The following CADPS variants were observed in gnomAD, a reference collection of about 807,000 sequenced individuals.
The protein encoded by CADPS is calcium dependent secretion activator.
In CADPS, 57 loss-of-function variants were observed where a neutral mutation model predicts 167.3. The observed-to-expected ratio is 0.34, with a 90% CI of 0.28 to 0.42. The LOEUF (loss-of-function observed/expected upper bound fraction) is 0.42. Ranked by LOEUF, CADPS falls within the 20% of genes least tolerant of loss-of-function variation. CADPS has a pLI of 1.00. For missense variants in CADPS, 1,414 were observed against 1,738.1 expected (o/e 0.81, Z 3.32); for synonymous variants, 676 against 635.3 (o/e 1.06, Z -0.96).
intron 6 of CADPS, 79 bp downstream of exon 6, chr3:62,645,643 T>G: frequency 6.7e-7 from 1 of 1,489,206 alleles, no homozygotes; most frequent in Non-Finnish European, 9.2e-7. Flanking sequence ...GGAAACCAGA[T>G]CTTTACCTTG....
At chr3:62,662,453 A>G in intron 3 of CADPS, 59 bp from the exon 4 acceptor site, 1 of 1,458,816 alleles carries the variant, frequency 6.9e-7, no homozygotes, top group Non-Finnish European at 9.6e-7. Context: ...CAATAAACTC[A>G]GGACATTCCA....
rs115155439 is a variant in CADPS, at chr3:62,823,933, G to A, written c.441+50656C>T. Among the ~76,000 whole-genome samples, 857 of 152,128 alleles carry A rather than the reference G, an allele frequency of 5.6e-3. 6 individuals are homozygous for A. Among genetic ancestry groups the A allele is most frequent in the African/African-American group, 0.019 (806 of 41,498 alleles). ...GTTGCATGACAGCCTAAGTTAACAC[G>A]GCCCATGTTTTTCTGCCACGGCTCC... On this transcript the variant is annotated intron_variant, in intron 1 of 29. Coordinates refer to ENST00000383710, the MANE Select transcript of CADPS (RefSeq NM_003716.4).
chr3:62,690,301 C>A (rs1472281118), intron 3 of CADPS, among the ~76,000 whole-genome samples: 1 of 152,048 alleles, frequency 6.6e-6, no homozygotes, highest in Admixed American at 6.6e-5. Context: ...TTTCTTATGA[C>A]AGAGTATCAT....
chr3:62,649,541 G>GTTTTTTTTTTTTTTTTTTTTTTT (rs1212818484), intron 5 of CADPS, among the ~76,000 whole-genome samples: 1 of 75,004 alleles, frequency 1.3e-5, no homozygotes, highest in African/African-American at 4.8e-5. Flanking sequence ...ACAATATGTG[G>GTTTTTTTTTTTTTTTTTTTTTTT]TCTTTTTTTT....
chr3:62,506,319 C>T (rs904066362), intron 17 of CADPS, among the ~76,000 whole-genome samples: 4 of 152,118 alleles, frequency 2.6e-5, no homozygotes, highest in East Asian at 1.9e-4. Flanking sequence ...ACCCGGGAGG[C>T]GGAGGTTGCA....
chr3:62,639,239 T>C (rs1206396626), intron 6 of CADPS, among the ~76,000 whole-genome samples: 2 of 152,228 alleles, frequency 1.3e-5, no homozygotes, highest in African/African-American at 4.8e-5. Context: ...TTTTACCATT[T>C]ATGATTTAAT....
At chr3:62,626,155 C>A (rs2064043359) in intron 6 of CADPS, 2 of 170,312 alleles carry the variant, frequency 1.2e-5, no homozygotes, top group African/African-American at 4.9e-5. Context: ...TGTTCTCTTC[C>A]CCTGAAGCTT....
At chr3:62,658,586 T>C (rs2072329146) in intron 4 of CADPS, among the ~76,000 whole-genome samples, 1 of 152,084 alleles carries the variant, frequency 6.6e-6, no homozygotes, top group Non-Finnish European at 1.5e-5. Context: ...AGGGTTAGAT[T>C]CTCAGATGTA....
chr3:62,683,433 G>A (rs1308015058), intron 3 of CADPS, among the ~76,000 whole-genome samples: 37 of 152,006 alleles, frequency 2.4e-4, no homozygotes, highest in Admixed American at 2.4e-3. Context: ...AATTCTGTAA[G>A]AAAGGTTCTT....
intron 5 of CADPS, among the ~76,000 whole-genome samples, chr3:62,648,269 T>C (rs1475036736): frequency 6.6e-6 from 1 of 152,238 alleles, no homozygotes; most frequent in Non-Finnish European, 1.5e-5. Flanking sequence ...CATTTCTTTC[T>C]GTACTTTCAA....
chr3:62,525,048 T>C (rs1328523593), intron 13 of CADPS, among the ~76,000 whole-genome samples: 1 of 152,194 alleles, frequency 6.6e-6, no homozygotes, highest in Non-Finnish European at 1.5e-5. Flanking sequence ...GAGTGTAACA[T>C]CTGAAAATAT....
chr3:62,682,605 T>C (rs2077325121), intron 3 of CADPS, among the ~76,000 whole-genome samples: 1 of 152,064 alleles, frequency 6.6e-6, no homozygotes, highest in East Asian at 1.9e-4. Context: ...TAGTTTAACA[T>C]TGCAAAATCC....
chr3:62,636,657 T>C (rs9861880), intron 6 of CADPS, among the ~76,000 whole-genome samples: 128,526 of 152,170 alleles, frequency 0.84, 54,289 homozygotes, highest in East Asian at 0.9. Flanking sequence ...AAGTAACTGA[T>C]AAACACATAG....
intron 3 of CADPS, among the ~76,000 whole-genome samples, chr3:62,711,558 T>C (rs1364734900): frequency 1.3e-5 from 2 of 152,244 alleles, no homozygotes; most frequent in Non-Finnish European, 2.9e-5. Context: ...TTCTGGATTA[T>C]GAGCCTTAGC....
intron 7 of CADPS, among the ~76,000 whole-genome samples, chr3:62,591,011 C>G (rs554797111): frequency 6.6e-6 from 1 of 151,996 alleles, no homozygotes; most frequent in Admixed American, 6.6e-5. Flanking sequence ...CCTGCCACCA[C>G]GCCCGGCTAA....
chr3:62,736,790 A>C (rs534632436), intron 3 of CADPS, among the ~76,000 whole-genome samples: 1 of 152,318 alleles, frequency 6.6e-6, no homozygotes, highest in South Asian at 2.1e-4. Flanking sequence ...ACTTGCAGAA[A>C]TCCAGATACC....
At chr3:62,691,148 T>G (rs75060442) in intron 3 of CADPS, among the ~76,000 whole-genome samples, 11,669 of 151,896 alleles carry the variant, frequency 0.077, 591 homozygotes, top group Non-Finnish European at 0.12. Context: ...AAAAGATCGG[T>G]GGTTGTCAGT....
chr3:62,663,379 A>T (rs2073750260), intron 3 of CADPS, among the ~76,000 whole-genome samples: 1 of 152,276 alleles, frequency 6.6e-6, no homozygotes, highest in Middle Eastern at 3.4e-3. Context: ...TATTATTTCC[A>T]AGCAACCCCA....
intron 1 of CADPS, among the ~76,000 whole-genome samples, chr3:62,793,156 C>G (rs147977969): frequency 6.6e-6 from 1 of 152,304 alleles, no homozygotes; most frequent in African/African-American, 2.4e-5. Context: ...CTTTGCTCAG[C>G]TTTCAGACCA....
Sources: allele counts gnomAD v4.1 joint callset (sites outside exome capture counted in the v4.1 genomes callset), GRCh38; gene constraint gnomAD v4.1.1; transcripts MANE v1.5; gene names NCBI Gene and HGNC (gene_info 2026-07-23, HGNC 2026-07-21).